The following HTR4 variants were observed in gnomAD, a reference collection of about 807,000 sequenced individuals.
The protein encoded by HTR4 is 5-hydroxytryptamine (serotonin) receptor 4, G protein-coupled.
Under a neutral mutation model 36.8 loss-of-function variants are expected in HTR4, and 16 were observed. That is an observed-to-expected ratio of 0.43 (90% CI 0.29 to 0.66). The LOEUF (loss-of-function observed/expected upper bound fraction) is 0.66, where lower values mean the gene tolerates loss of function less well. Among genes scored for constraint, HTR4 ranks in the 30% least tolerant of loss-of-function variants. HTR4 has a pLI of 0.13. For synonymous variants in HTR4, 189 were observed against 185.1 expected, an observed-to-expected ratio of 1.02 and a Z score of -0.17; for missense variants, 438 against 490.9, an observed-to-expected ratio of 0.89 and a Z score of 1.02.
chr5:148,512,767 T>TA (rs947677364), intron 5 of HTR4, among the ~76,000 whole-genome samples: 17 of 151,896 alleles, frequency 1.1e-4, no homozygotes, highest in East Asian at 3.9e-4. Flanking sequence ...ACTGTCTCTA[T>TA]AAAAAAATAC....
intron 5 of HTR4, among the ~76,000 whole-genome samples, chr5:148,456,160 G>A (rs1258720018): frequency 6.6e-6 from 1 of 152,180 alleles, no homozygotes; most frequent in Non-Finnish European, 1.5e-5. Context: ...CCCAACTGGA[G>A]TCTGGCTTAT....
intron 2 of HTR4, chr5:148,628,855 C>A (rs1456395690): frequency 1.3e-5 from 2 of 152,104 alleles, no homozygotes; most frequent in Non-Finnish European, 1.5e-5. Context: ...TCATCACAGC[C>A]TGTGCTTGCA....
chr5:148,457,703 TA>T (rs1755134434), intron 5 of HTR4, among the ~76,000 whole-genome samples: 1 of 146,278 alleles, frequency 6.8e-6, no homozygotes, highest in Non-Finnish European at 1.5e-5. Context: ...GATATATCAT[TA>T]AAATATATTT....
At chr5:148,537,742 G>A (rs1199593443) in intron 4 of HTR4, among the ~76,000 whole-genome samples, 1 of 151,984 alleles carries the variant, frequency 6.6e-6, no homozygotes, top group South Asian at 2.1e-4. Context: ...ATCAGTAATA[G>A]ACAGCCTACC....
chr5:148,568,167 G>T (rs1357390738), intron 2 of HTR4, among the ~76,000 whole-genome samples: 2 of 152,074 alleles, frequency 1.3e-5, no homozygotes. Context: ...GAGACCATAA[G>T]TCTGTCCTCT....
intron 2 of HTR4, among the ~76,000 whole-genome samples, chr5:148,574,709 C>A (rs189667089): frequency 2.0e-5 from 3 of 152,208 alleles, no homozygotes; most frequent in Admixed American, 6.5e-5. Flanking sequence ...CTTGCTGGGG[C>A]TGGTGACAGA....
Position 148,631,792 on chromosome 5 carries a change from C to T in HTR4, c.26+5197G>A, listed in dbSNP as rs180947485. 2.0e-5 allele frequency among the ~76,000 whole-genome samples: 3 copies of T among 152,222 alleles called. No individual in the cohort carries two copies. In the East Asian group the frequency reaches 5.8e-4, roughly 29 times the overall value. On this transcript the variant is annotated intron_variant, in intron 2 of 6. Transcript: ENST00000377888. Reference sequence around the variant, plus strand: ...ACTTGGTGTCATGACAGAATTAAGGCAACTAGGTAATTAATTTGAAGCCAA... The same window carrying T: ...ACTTGGTGTCATGACAGAATTAAGGTAACTAGGTAATTAATTTGAAGCCAA...
At chr5:148,506,189 G>A (rs190752884) in intron 6 of HTR4, among the ~76,000 whole-genome samples, 1 of 152,086 alleles carries the variant, frequency 6.6e-6, no homozygotes, top group African/African-American at 2.4e-5. Flanking sequence ...TAGACTAATG[G>A]AATACAACAG....
chr5:148,652,591 A>G (rs9325108), intron 1 of HTR4, among the ~76,000 whole-genome samples: 29,970 of 151,988 alleles, frequency 0.2, 3,281 homozygotes, highest in African/African-American at 0.28. Context: ...AATCCAGATA[A>G]CTCAGAGGAA....
In HTR4 at chr5:148,654,087, G is replaced by T; in HGVS notation, c.-73C>A. ...CCGCTGCCAGAGGCGAGGGAGCGAGGTGCCCTGGCAGATTCGAGCGGCCAC... is the reference window on the plus strand; with the variant it reads ...CCGCTGCCAGAGGCGAGGGAGCGAGTTGCCCTGGCAGATTCGAGCGGCCAC... On this transcript the variant is annotated 5_prime_UTR_variant, in exon 1 of 7. Coordinates refer to ENST00000377888, the MANE Select transcript of HTR4 (RefSeq NM_000870.7). 1.0e-6 allele frequency: 1 copy of T among 985,364 alleles called. No homozygotes were observed. The highest frequency in any genetic ancestry group is 1.2e-6 in the Non-Finnish European group (1 of 829,908). 61.0% of individuals were successfully genotyped at this position (985,364 alleles called of 1,614,324 possible). A position where few individuals can be genotyped will look rare whatever the true frequency, so the allele number is the denominator to read the frequency against.
intron 2 of HTR4, among the ~76,000 whole-genome samples, chr5:148,579,037 G>A (rs952462555): frequency 3.3e-5 from 5 of 152,006 alleles, no homozygotes; most frequent in Non-Finnish European, 7.4e-5. Context: ...TGCACACTAA[G>A]TTCTATTTGT....
At chr5:148,613,231 A>T (rs1208066779) in intron 2 of HTR4, among the ~76,000 whole-genome samples, 2 of 149,034 alleles carry the variant, frequency 1.3e-5, no homozygotes, top group African/African-American at 5.0e-5. Flanking sequence ...CAACCAAAAA[A>T]GAGAATTTTA....
downstream of HTR4, among the ~76,000 whole-genome samples, chr5:148,478,942 A>G (rs555262409): frequency 5.2e-4 from 79 of 152,180 alleles, no homozygotes; most frequent in Middle Eastern, 3.4e-3. Flanking sequence ...TTCATCACAC[A>G]TAACCTGGGC....
intron 4 of HTR4, among the ~76,000 whole-genome samples, chr5:148,542,781 A>G (rs1481634142): frequency 2.6e-5 from 4 of 152,194 alleles, no homozygotes; most frequent in African/African-American, 7.2e-5. Context: ...ATTTGGCCTA[A>G]TATAGGGAAG....
At chr5:148,471,397 C>T (rs1201253112) in intron 5 of HTR4, among the ~76,000 whole-genome samples, 1 of 152,092 alleles carries the variant, frequency 6.6e-6, no homozygotes, top group Non-Finnish European at 1.5e-5. Flanking sequence ...CAGCCATTTT[C>T]CCAGACTCTT....
intron 4 of HTR4, among the ~76,000 whole-genome samples, chr5:148,536,074 G>A (rs1272654390): frequency 6.6e-6 from 1 of 152,112 alleles, no homozygotes; most frequent in African/African-American, 2.4e-5. Context: ...AAGAATCGTA[G>A]TCCTATAATC....
At chr5:148,653,983 C>T in intron 1 of HTR4, 79 bp downstream of exon 1, 1 of 891,208 alleles carries the variant, frequency 1.1e-6, no homozygotes, top group Non-Finnish European at 1.3e-6. Context: ...CCCCGTCGTG[C>T]TGCCCCGCCC....
At chr5:148,590,288 T>A (rs1761509999) in intron 2 of HTR4, among the ~76,000 whole-genome samples, 2 of 25,544 alleles carry the variant, frequency 7.8e-5, no homozygotes, top group East Asian at 9.3e-4. Flanking sequence ...TTTTCTTTTC[T>A]TTTTTTTTTT....
rs1755926338 is a variant in HTR4, at chr5:148,482,355, A to G, written c.*848T>C. 1 of 985,406 alleles carries G rather than the reference A, an allele frequency of 1.0e-6. No homozygotes were observed. The highest frequency in any genetic ancestry group is 4.7e-5 in the South Asian group (1 of 21,298). The allele number at this position is 985,406 out of a possible 1,614,324, so 61.0% of individuals were successfully genotyped here. On this transcript the variant is annotated 3_prime_UTR_variant, in exon 7 of 7. Transcript: ENST00000377888. ...CCTACGATGTTGCTAGCCCTGCCCA[A>G]GGCTTTTTAGAAGACGTCCCGTTCT...
Sources: gnomAD v4.1 joint callset for allele counts (sites outside exome capture counted in the v4.1 genomes callset) on GRCh38, gnomAD v4.1.1 for gene constraint, MANE v1.5 for transcripts, NCBI Gene and HGNC (gene_info 2026-07-23, HGNC 2026-07-21) for gene names.